LHFPL4: variants seen among roughly 807,000 people sequenced by gnomAD.
LHFPL4 encodes LHFPL tetraspan subfamily member 4.
A neutral mutation model predicts 20.0 loss-of-function variants in LHFPL4; 6 were observed. The ratio of observed to expected loss-of-function variants is 0.30; its 90% CI spans 0.16 to 0.59. The LOEUF (loss-of-function observed/expected upper bound fraction) is 0.59, where lower values mean the gene tolerates loss of function less well. LHFPL4 is among the 20% of genes least tolerant of loss of function. LHFPL4 has a pLI of 0.88. For missense variants in LHFPL4, 215 were observed against 331.2 expected (o/e 0.65, Z 2.72); for synonymous variants, 129 against 143.8 (o/e 0.90, Z 0.74).
intron 2 of LHFPL4, among the ~76,000 whole-genome samples, chr3:9,522,638 G>C (rs1027681296): frequency 6.6e-6 from 1 of 151,950 alleles, no homozygotes; most frequent in Non-Finnish European, 1.5e-5. Flanking sequence ...CTACTCGGGA[G>C]GCTGAGAGGC....
chr3:9,503,126 C>T (rs182215004), intron 3 of LHFPL4, among the ~76,000 whole-genome samples: 1 of 152,124 alleles, frequency 6.6e-6, no homozygotes, highest in African/African-American at 2.4e-5. Flanking sequence ...CGCGCCATGG[C>T]TTTTGGCTCG....
At chr3:9,547,385 G>A (rs929373183) in intron 2 of LHFPL4, among the ~76,000 whole-genome samples, 1 of 152,124 alleles carries the variant, frequency 6.6e-6, no homozygotes, top group Non-Finnish European at 1.5e-5. Flanking sequence ...AGTTGGGAGT[G>A]TCCCCCGGCT....
At position 9,534,030 on chromosome 3, in the gene LHFPL4, G is replaced by A. The variant is rs1488990893; in HGVS notation, c.406+18244C>T. Among the ~76,000 whole-genome samples the A allele has an allele frequency of 4.6e-5, 7 of 151,522 alleles. No individual in the cohort carries two copies. In the East Asian group the frequency reaches 9.8e-4, roughly 21 times the overall value. ...GGGGTTTGAGACCAGCCTGGGCAAC[G>A]TGGCGAAACCCCGTCTCTACAAAAA... On this transcript the variant is annotated intron_variant, in intron 2 of 3. Coordinates refer to ENST00000287585, the MANE Select transcript of LHFPL4 (RefSeq NM_198560.3).
At chr3:9,531,726 G>A (rs374664665) in intron 2 of LHFPL4, among the ~76,000 whole-genome samples, 13 of 152,048 alleles carry the variant, frequency 8.5e-5, no homozygotes, top group East Asian at 1.9e-4. Flanking sequence ...GTTTGAACCC[G>A]GGAACGGGAG....
At chr3:9,516,310 G>C (rs1244468385) in intron 2 of LHFPL4, among the ~76,000 whole-genome samples, 2 of 152,048 alleles carry the variant, frequency 1.3e-5, no homozygotes, top group Admixed American at 6.6e-5. Flanking sequence ...TGGATATTCA[G>C]TTGTTCCAGC....
chr3:9,534,060 C>G lies in LHFPL4; in HGVS notation c.406+18214G>C, dbSNP rs547790354. On this transcript the variant is annotated intron_variant, in intron 2 of 3. Transcript: ENST00000287585. The stretch of plus-strand genomic sequence containing the variant: ...GAAACCCCGTCTCTACAAAAAATAC[C>G]AAAAAATTAGCCAGGCATGGTGGTG... 3.3e-5 allele frequency among the ~76,000 whole-genome samples: 5 copies of G among 151,686 alleles called. No individual in the cohort carries two copies. The East Asian group carries it at 9.7e-4, about 29-fold the overall frequency.
At chr3:9,515,439 T>A (rs2046293113) in intron 2 of LHFPL4, among the ~76,000 whole-genome samples, 1 of 152,182 alleles carries the variant, frequency 6.6e-6, no homozygotes, top group Non-Finnish European at 1.5e-5. Flanking sequence ...AGGGGTGCAG[T>A]CTCAGCTCAC....
chr3:9,526,836 C>T (rs986976449), intron 2 of LHFPL4, among the ~76,000 whole-genome samples: 9 of 152,144 alleles, frequency 5.9e-5, no homozygotes, highest in African/African-American at 2.2e-4. Flanking sequence ...GAGATGAGAT[C>T]AGGGAAGCTT....
chr3:9,532,650 A>T (rs187637931), intron 2 of LHFPL4, among the ~76,000 whole-genome samples: 62 of 152,186 alleles, frequency 4.1e-4, no homozygotes, highest in African/African-American at 1.3e-3. Context: ...TTATCTTTTT[A>T]ATAGGGTTTC....
Position 9,552,397 on chromosome 3 carries a change from C to A in LHFPL4, c.283G>T (p.Ala95Ser). The change falls in exon 2 of 4, where the codon GCC (alanine) becomes TCC (serine). Residue 95 changes from alanine (A) to serine (S), a missense_variant. Around this residue, in one of 2 missense-constraint regions of LHFPL4, gnomAD observed 164 missense variants for 286.7 expected, o/e 0.57. Coordinates refer to ENST00000287585, the MANE Select transcript of LHFPL4 (RefSeq NM_198560.3). The part of the protein sequence containing the change: ...STIPSSAFKA[A>S]AFFVLLSMVL... ...ATGGAGAGCAGCACGAAGAAGGCGGCCGCCTTGAAGGCGCTGGACGGGATG... is the reference window on the plus strand; with the variant it reads ...ATGGAGAGCAGCACGAAGAAGGCGGACGCCTTGAAGGCGCTGGACGGGATG... The A allele has an allele frequency of 1.9e-6, 3 of 1,613,928 alleles. No individual in the cohort carries two copies. Among genetic ancestry groups the A allele is most frequent in the East Asian group, 2.2e-5 (1 of 44,874 alleles).
chr3:9,551,342 C>G (rs918582742), intron 2 of LHFPL4, among the ~76,000 whole-genome samples: 1 of 152,116 alleles, frequency 6.6e-6, no homozygotes, highest in South Asian at 2.1e-4. Flanking sequence ...TCCCCCACCC[C>G]TCCCATCCCC....
At chr3:9,508,781 G>A (rs1480300138) in intron 2 of LHFPL4, among the ~76,000 whole-genome samples, 1 of 152,216 alleles carries the variant, frequency 6.6e-6, no homozygotes, top group Non-Finnish European at 1.5e-5. Context: ...GGGGCAGGGG[G>A]AGGAGTGGTC....
chr3:9,552,090 C>T (rs2125669418), intron 2 of LHFPL4, among the ~76,000 whole-genome samples, 184 bp downstream of exon 2: 1 of 152,106 alleles, frequency 6.6e-6, no homozygotes, highest in South Asian at 2.1e-4. Context: ...CTGTCCCCTG[C>T]CCTAAGGTGT....
intron 2 of LHFPL4, among the ~76,000 whole-genome samples, chr3:9,551,596 G>A (rs568940634): frequency 6.6e-6 from 1 of 152,176 alleles, no homozygotes; most frequent in African/African-American, 2.4e-5. Flanking sequence ...ATTGGGCATG[G>A]CACCAGAACT....
intron 2 of LHFPL4, among the ~76,000 whole-genome samples, chr3:9,516,266 T>C (rs1441399947): frequency 2.0e-5 from 3 of 152,192 alleles, no homozygotes; most frequent in Non-Finnish European, 4.4e-5. Flanking sequence ...GTGTAAGGTC[T>C]ATGTCCATAT....
rs1461518775 is a variant in LHFPL4, at chr3:9,513,040, A to G, written c.407-6837T>C. Among the ~76,000 whole-genome samples the G allele has an allele frequency of 7.2e-5, 11 of 151,854 alleles. No homozygotes were observed. In the East Asian group the frequency reaches 2.1e-3, roughly 30 times the overall value. On this transcript the variant is annotated intron_variant, in intron 2 of 3. Transcript: ENST00000287585. ...GTGGCCGCGATCTCGGCTCACTGCA[A>G]GCTCCGCCTCCTGGATTCACGCCAT...
chr3:9,506,152 T>C lies in LHFPL4; in HGVS notation c.458A>G (p.Glu153Gly). ...GGCCCCACACATGTCCCGGATGGTC[T>C]CGGCATCCCAGCCATCAGGAAAGAT... is the stretch of plus-strand genomic sequence containing the variant. ...CMIFPDGWDA[E>G]TIRDMCGAKT... The change falls in exon 3 of 4, where the codon GAG becomes GGG. Residue 153 changes from glutamate (E) to glycine (G), a missense_variant. Physicochemically the swap from Glu to Gly is moderately conservative, Grantham distance 98. Around this residue, in one of 2 missense-constraint regions of LHFPL4, gnomAD observed 164 missense variants for 286.7 expected, o/e 0.57. Coordinates refer to ENST00000287585, the MANE Select transcript of LHFPL4 (RefSeq NM_198560.3). The surrounding 1 kb of genome is among the most constrained non-coding windows in gnomAD (Gnocchi z 4.5). The C allele has an allele frequency of 6.2e-7, 1 of 1,614,056 alleles. No individual in the cohort carries two copies. Among genetic ancestry groups the C allele is most frequent in the Non-Finnish European group, 8.5e-7 (1 of 1,180,012 alleles).
At chr3:9,551,900 C>T (rs1196982816) in intron 2 of LHFPL4, among the ~76,000 whole-genome samples, 1 of 152,202 alleles carries the variant, frequency 6.6e-6, no homozygotes, top group Non-Finnish European at 1.5e-5. Context: ...TTCACCATTT[C>T]ATGCTTTTTT....
chr3:9,516,662 CG>C (rs1215664662), intron 2 of LHFPL4, among the ~76,000 whole-genome samples: 1 of 151,572 alleles, frequency 6.6e-6, no homozygotes, highest in Non-Finnish European at 1.5e-5. Context: ...TTAGTAGAGA[CG>C]GGGTTTCACC....
Sources: gnomAD v4.1 joint callset for allele counts (sites outside exome capture counted in the v4.1 genomes callset) on GRCh38, gnomAD v4.1.1 for gene constraint, gnomAD v4.1.1 regional missense constraint, Gnocchi (gnomAD v3.1) non-coding constraint, MANE v1.5 for transcripts, NCBI Gene and HGNC (gene_info 2026-07-23, HGNC 2026-07-21) for gene names.